DGKH: variants seen among roughly 807,000 people sequenced by gnomAD.
The protein encoded by DGKH is diacylglycerol kinase eta, also known as DAG kinase eta.
A neutral mutation model predicts 159.3 loss-of-function variants in DGKH; 90 were observed. The ratio of observed to expected loss-of-function variants is 0.57; its 90% CI spans 0.48 to 0.67. DGKH has a LOEUF of 0.67. DGKH is among the 30% of genes least tolerant of loss of function. DGKH has a pLI of 0.00. For synonymous variants in DGKH, 536 were observed against 553.8 expected (o/e 0.97, Z 0.45); for missense variants, 1,181 against 1,506.1 (o/e 0.78, Z 3.57).
Position 42,232,290 on chromosome 13 carries a change from A to T in DGKH, c.*3102A>T, listed in dbSNP as rs971193900. 2 of 152,144 alleles carry T rather than the reference A, an allele frequency of 1.3e-5. No homozygotes were observed. The highest frequency in any genetic ancestry group is 2.4e-5 in the African/African-American group (1 of 41,358). 9.4% of individuals were successfully genotyped at this position (152,144 alleles called of 1,614,324 possible). A position where few individuals can be genotyped will look rare whatever the true frequency, so the allele number is the denominator to read the frequency against. On this transcript the variant is annotated 3_prime_UTR_variant, in exon 30 of 30. Transcript: ENST00000337343. Reference sequence around the variant, plus strand: ...TGATAGGCTCTTCCTCACCTGGAGGATCGGGGCTGGTGGGAGGGCAGGGAA... The same window carrying T: ...TGATAGGCTCTTCCTCACCTGGAGGTTCGGGGCTGGTGGGAGGGCAGGGAA...
chr13:42,050,848 C>CTCT (rs375056406), intron 1 of DGKH, among the ~76,000 whole-genome samples: 1 of 33,442 alleles, frequency 3.0e-5, no homozygotes, highest in Non-Finnish European at 6.3e-5. Flanking sequence ...TGAAGCGAGA[C>CTCT]TGTCTCTTAA....
chr13:42,233,144 A>T lies in DGKH; in HGVS notation c.*3956A>T, dbSNP rs1473690413. On this transcript the variant is annotated 3_prime_UTR_variant, in exon 30 of 30. Coordinates refer to ENST00000337343, the MANE Select transcript of DGKH (RefSeq NM_178009.5). ...AGACCCCTACTCTTTAAAAAAATTA[A>T]TTTAATTAGAAACTCCATTTCTCAG... The T allele has an allele frequency of 1.3e-5, 2 of 152,212 alleles. No homozygotes were observed. 9.4% of individuals were successfully genotyped at this position (152,212 alleles called of 1,614,324 possible).
At chr13:42,052,237 C>A (rs1423848595) in intron 1 of DGKH, among the ~76,000 whole-genome samples, 1 of 152,114 alleles carries the variant, frequency 6.6e-6, no homozygotes, top group African/African-American at 2.4e-5. Context: ...TATTTTAGCA[C>A]CCTCATCATA....
At position 42,241,614 on chromosome 13, in the gene DGKH, A is replaced by T. The variant is rs549099909; in HGVS notation, c.*12426A>T. The T allele has an allele frequency of 6.6e-6, 1 of 152,316 alleles. No homozygotes were observed. Among genetic ancestry groups the T allele is most frequent in the African/African-American group, 2.4e-5 (1 of 41,564 alleles). 9.4% of individuals were successfully genotyped at this position (152,316 alleles called of 1,614,324 possible). A position where few individuals can be genotyped will look rare whatever the true frequency, so the allele number is the denominator to read the frequency against. ...GCCTTTTGATGACACACACACCAAA[A>T]TATATAAGAGCTGTGCATGGTAAAC... On this transcript the variant is annotated 3_prime_UTR_variant, in exon 30 of 30. Transcript: ENST00000337343.
chr13:42,215,621 C>T lies in DGKH; in HGVS notation c.3167C>T (p.Ala1056Val), dbSNP rs1957770412. 6.2e-7 allele frequency: 1 copy of T among 1,611,510 alleles called. No individual in the cohort carries two copies. The highest frequency in any genetic ancestry group is 8.5e-7 in the Non-Finnish European group (1 of 1,178,614). The change falls in exon 26 of 30, where the codon GCG (alanine) becomes GTG (valine). Residue 1056 changes from alanine (A) to valine (V), a missense_variant. By Grantham distance (64) the Ala-to-Val change is moderately conservative (BLOSUM62 0). Around this residue, in one of 5 missense-constraint regions of DGKH, gnomAD observed 335 missense variants for 495.2 expected, o/e 0.68. Transcript: ENST00000337343. ...ACTGAAATAGCCATCAATGTGAAGG[C>T]GCTGTATAATGAAACAGAATCTTTG... ...TATEIAINVK[A>V]LYNETESLLV...
chr13:42,118,612 A>G (rs1464256657), intron 1 of DGKH, among the ~76,000 whole-genome samples: 1 of 152,218 alleles, frequency 6.6e-6, no homozygotes, highest in Non-Finnish European at 1.5e-5. Context: ...TCCTACCCCT[A>G]CGGGGTCAAG....
At chr13:42,183,658 A>G (rs76134003) in intron 13 of DGKH, among the ~76,000 whole-genome samples, 1 of 152,232 alleles carries the variant, frequency 6.6e-6, no homozygotes, top group Non-Finnish European at 1.5e-5. Context: ...CCACTAACAT[A>G]GCTAACATGT....
At chr13:42,161,599 G>A (rs1191547891) in intron 7 of DGKH, among the ~76,000 whole-genome samples, 1 of 150,562 alleles carries the variant, frequency 6.6e-6, no homozygotes, top group East Asian at 1.9e-4. Context: ...GGCTAACACA[G>A]TGAAACCCCA....
At chr13:42,072,633 A>G (rs73187215) in intron 1 of DGKH, among the ~76,000 whole-genome samples, 15,488 of 152,246 alleles carry the variant, frequency 0.1, 1,358 homozygotes, top group East Asian at 0.42. Context: ...GATCATTTCT[A>G]AATTTACTAG....
chr13:42,220,297 AC>A (rs1247454226), intron 28 of DGKH, among the ~76,000 whole-genome samples: 1 of 152,228 alleles, frequency 6.6e-6, no homozygotes, highest in African/African-American at 2.4e-5. Flanking sequence ...TGTTTTGAGG[AC>A]ACTGTTTCAA....
chr13:42,120,732 T>C (rs373836138), intron 1 of DGKH, among the ~76,000 whole-genome samples: 12 of 152,214 alleles, frequency 7.9e-5, no homozygotes, highest in African/African-American at 2.7e-4. Flanking sequence ...TTTACTGTTA[T>C]ATGGAGGCTG....
At chr13:42,069,418 G>T in intron 1 of DGKH, 1 of 1,538,636 alleles carries the variant, frequency 6.5e-7, no homozygotes, top group South Asian at 1.2e-5. Flanking sequence ...AATTCTAGTT[G>T]GGACACTGAG....
intron 1 of DGKH, among the ~76,000 whole-genome samples, chr13:42,071,866 C>T (rs998744149): frequency 5.9e-5 from 9 of 152,170 alleles, no homozygotes; most frequent in East Asian, 5.8e-4. Context: ...AACACCGACC[C>T]GTGAGAGAGG....
intron 1 of DGKH, chr13:42,069,884 C>T: frequency 1.3e-6 from 1 of 741,916 alleles, no homozygotes; most frequent in South Asian, 1.8e-5. Context: ...TCCCGATCTC[C>T]ATCCAAATAA....
chr13:42,083,665 G>A lies in DGKH; in HGVS notation c.192+34700G>A, dbSNP rs77037467. On this transcript the variant is annotated intron_variant, in intron 1 of 29. Coordinates refer to ENST00000337343, the MANE Select transcript of DGKH (RefSeq NM_178009.5). ...CTGTGGCTTCCCTGAGCAACTCGTT[G>A]CTTCTTGAGGACCCATGTCTGGGTC... 5.6e-3 allele frequency among the ~76,000 whole-genome samples: 857 copies of A among 152,264 alleles called. 9 individuals carry two copies. Among genetic ancestry groups the A allele is most frequent in the East Asian group, 0.047 (243 of 5,176 alleles).
chr13:42,154,173 C>T (rs966390141), intron 3 of DGKH, among the ~76,000 whole-genome samples: 4 of 152,242 alleles, frequency 2.6e-5, no homozygotes, highest in Middle Eastern at 3.4e-3. Context: ...GAAATCTGCT[C>T]TATAATCCAA....
chr13:42,219,628 GTAGGTTTT>G (rs2138242524), intron 27 of DGKH, 50 bp from the exon 28 acceptor site: 2 of 1,162,144 alleles, frequency 1.7e-6, no homozygotes, highest in Non-Finnish European at 2.4e-6. Context: ...TATTATCAGA[GTAGGTTTT>G]TCTCCTTTTC....
chr13:42,076,991 G>A (rs138051094), intron 1 of DGKH, among the ~76,000 whole-genome samples: 1,640 of 152,158 alleles, frequency 0.011, 27 homozygotes, highest in African/African-American at 0.038. Context: ...CCTGTTAAAT[G>A]AAAGCCCTCA....
At chr13:42,177,406 A>G (rs1224809735) in intron 12 of DGKH, among the ~76,000 whole-genome samples, 1 of 152,186 alleles carries the variant, frequency 6.6e-6, no homozygotes, top group East Asian at 1.9e-4. Flanking sequence ...GCACAAATAC[A>G]CTGCAATTTG....
Sources: allele counts gnomAD v4.1 joint callset (sites outside exome capture counted in the v4.1 genomes callset), GRCh38; gene constraint gnomAD v4.1.1; regional missense constraint gnomAD v4.1.1; transcripts MANE v1.5; gene names NCBI Gene and HGNC (gene_info 2026-07-23, HGNC 2026-07-21).